MORC4: variants seen among roughly 807,000 people sequenced by gnomAD.
MORC4 encodes the protein MORC family CW-type zinc finger 4, also known as MORC family CW-type zinc finger protein 4.
MORC4 carries 22 observed loss-of-function variants against 65.5 expected under a neutral mutation model. That is an observed-to-expected ratio of 0.34 (90% CI 0.24 to 0.48). The LOEUF is 0.48. Among genes scored for constraint, MORC4 ranks in the 20% least tolerant of loss-of-function variants. The pLI is 0.99. For synonymous variants in MORC4, 267 were observed against 255.8 expected, an observed-to-expected ratio of 1.04 and a Z score of -0.42; for missense variants, 624 against 703.0, an observed-to-expected ratio of 0.89 and a Z score of 1.27.
At chrX:106,967,226 G>A (rs1276676264) in intron 9 of MORC4, among the ~76,000 whole-genome samples, 1 of 111,723 alleles carries the variant, frequency 9.0e-6, no homozygotes, top group African/African-American at 3.3e-5. Context: ...GGGCCTGTCT[G>A]TTAGAAGGAA....
Position 106,958,464 on chromosome X carries a change from C to T in MORC4, c.1257G>A (p.Pro419=), listed in dbSNP as rs1255377920. The change falls in exon 11 of 17, where the codon CCG becomes CCA. Residue 419 remains proline (P), a splice_region_variant and synonymous_variant. Transcript: ENST00000355610. ...FETSTVARPI[P]KVPDQTWVQC... ...GAACCCATGTCTGGTCAGGAACCTTCCTGAATGAAGGAAAATGGAAGTGTG... is the reference window on the plus strand; with the variant it reads ...GAACCCATGTCTGGTCAGGAACCTTTCTGAATGAAGGAAAATGGAAGTGTG... 6 of 1,198,883 alleles carry T rather than the reference C, an allele frequency of 5.0e-6. No individual in the cohort carries two copies. In the South Asian group the frequency reaches 1.1e-4, roughly 22 times the overall value.
chrX:106,943,235 T>C (rs1276706355), intron 14 of MORC4, 30 bp from the exon 15 acceptor site: 1 of 1,095,936 alleles, frequency 9.1e-7, no homozygotes, highest in Non-Finnish European at 1.2e-6. Context: ...AATTGTAAGC[T>C]GTCAGAGTAC....
In MORC4 at chrX:106,962,998, C is replaced by T. The variant is rs1934286059; in HGVS notation, c.1158-888G>A. ...CTTGTTAAGAGAAACTCTTCCTTAT[C>T]TCTACCTTATTCATATTAAATTAGA... On this transcript the variant is annotated intron_variant, in intron 9 of 16. Transcript: ENST00000355610. Among the ~76,000 whole-genome samples the T allele has an allele frequency of 2.7e-5, 3 of 111,191 alleles. No individual in the cohort carries two copies. In the South Asian group the frequency reaches 1.1e-3, roughly 42 times the overall value.
intron 3 of MORC4, among the ~76,000 whole-genome samples, chrX:106,990,381 C>T (rs1033524611): frequency 2.7e-5 from 3 of 109,480 alleles, no homozygotes; most frequent in Non-Finnish European, 5.7e-5. Context: ...TTCAGCCTCC[C>T]GAGTAGCAGG....
rs1457456584 is a variant in MORC4 at position 106,984,017 on chromosome X, C to G, written c.674+1079G>C. On this transcript the variant is annotated intron_variant, in intron 5 of 16. Transcript: ENST00000355610. ...CCAAACTTAAAAAAATGCCTATTGG[C>G]CAGGCACGGTGGCTCATGCCAGTAA... Among the ~76,000 whole-genome samples the G allele has an allele frequency of 2.7e-5, 3 of 111,716 alleles. No individual in the cohort carries two copies. The Admixed American group carries it at 2.8e-4, about 11-fold the overall frequency.
intron 11 of MORC4, among the ~76,000 whole-genome samples, chrX:106,957,229 T>C (rs986939176): frequency 8.9e-6 from 1 of 111,846 alleles, no homozygotes; most frequent in Non-Finnish European, 1.9e-5. Context: ...AAAGTAATCC[T>C]AGAAACAAAC....
intron 14 of MORC4, among the ~76,000 whole-genome samples, chrX:106,943,578 T>C (rs1348786961): frequency 8.9e-6 from 1 of 111,867 alleles, no homozygotes; most frequent in African/African-American, 3.2e-5. Context: ...AAGAATGGAA[T>C]AAAAAGGCCA....
chrX:106,995,711 G>A (rs1935066255), intron 2 of MORC4, among the ~76,000 whole-genome samples: 1 of 112,423 alleles, frequency 8.9e-6, no homozygotes, highest in African/African-American at 3.2e-5. Flanking sequence ...AATGTGGCAA[G>A]ACAAGTGGGC....
At chrX:106,954,317 T>G (rs1011515508) in intron 14 of MORC4, among the ~76,000 whole-genome samples, 2 of 112,269 alleles carry the variant, frequency 1.8e-5, no homozygotes, top group African/African-American at 6.5e-5. Context: ...ACTCCTGATA[T>G]CTAAGAAAAA....
chrX:106,962,763 C>A (rs938331581), intron 9 of MORC4, among the ~76,000 whole-genome samples: 1 of 111,738 alleles, frequency 8.9e-6, no homozygotes, highest in African/African-American at 3.3e-5. Flanking sequence ...TCAGGGTCAA[C>A]AAAAATGTAA....
intron 7 of MORC4, among the ~76,000 whole-genome samples, chrX:106,978,774 A>G (rs1055537756): frequency 9.0e-6 from 1 of 111,649 alleles, no homozygotes; most frequent in Non-Finnish European, 1.9e-5. Flanking sequence ...TTCTGATAAG[A>G]GCTGTAAATG....
At position 106,978,291 on chromosome X, in the gene MORC4, G is replaced by A. The variant is rs1934667625; in HGVS notation, c.937-92C>T. 17 of 928,251 alleles carry A rather than the reference G, an allele frequency of 1.8e-5. No individual in the cohort carries two copies. In the South Asian group the frequency reaches 4.2e-4, roughly 23 times the overall value. The allele number at this position is 928,251 out of a possible 1,213,427, so 76.5% of individuals were successfully genotyped here. A position where few individuals can be genotyped will look rare whatever the true frequency, so the allele number is the denominator to read the frequency against. ...TATAGCAAAAACCATCAAATACCAA[G>A]GGACATAAATTGGTACAACCTTTTT... On this transcript the variant is annotated intron_variant, in intron 7 of 16. Coordinates refer to ENST00000355610, the MANE Select transcript of MORC4 (RefSeq NM_024657.5).
chrX:106,947,191 G>A (rs1239971625), intron 14 of MORC4, among the ~76,000 whole-genome samples: 2 of 109,661 alleles, frequency 1.8e-5, no homozygotes, highest in Non-Finnish European at 3.8e-5. Flanking sequence ...ATTATATTGC[G>A]ATTGGAGAAC....
At chrX:106,972,404 G>A (rs933779796) in intron 9 of MORC4, among the ~76,000 whole-genome samples, 1 of 110,666 alleles carries the variant, frequency 9.0e-6, no homozygotes, top group Non-Finnish European at 1.9e-5. Flanking sequence ...ACCATGGCAC[G>A]TGTATACCTA....
intron 5 of MORC4, among the ~76,000 whole-genome samples, chrX:106,984,465 C>CTTTTTTTTTTTTTTTTTT (rs762110163): frequency 2.8e-5 from 2 of 71,388 alleles, no homozygotes; most frequent in African/African-American, 6.3e-5. Flanking sequence ...TTTCTTTTTT[C>CTTTTTTTTTTTTTTTTTT]TTTTTTTTTT....
intron 2 of MORC4, among the ~76,000 whole-genome samples, chrX:106,998,038 T>C (rs1391319353): frequency 8.9e-6 from 1 of 112,596 alleles, no homozygotes; most frequent in Non-Finnish European, 1.9e-5. Context: ...CTGTGTTGTA[T>C]TCATTTTTGT....
chrX:106,942,478 T>G (rs1280067235), intron 15 of MORC4, 37 bp downstream of exon 15: 8 of 1,129,117 alleles, frequency 7.1e-6, no homozygotes, highest in Non-Finnish European at 8.4e-6. Flanking sequence ...TTGGTTACTA[T>G]GGTCTCTTAT....
At chrX:106,984,274 T>G (rs1934812906) in intron 5 of MORC4, among the ~76,000 whole-genome samples, 1 of 106,623 alleles carries the variant, frequency 9.4e-6, no homozygotes, top group African/African-American at 3.4e-5. Context: ...CAAGAGAGAC[T>G]CTGTCTCAAA....
In MORC4 at chrX:106,941,403, A is replaced by ACGG; in HGVS notation, c.*75_*76insCCG. On this transcript the variant is annotated 3_prime_UTR_variant, in exon 17 of 17. Coordinates refer to ENST00000355610, the MANE Select transcript of MORC4 (RefSeq NM_024657.5). ...GAGAGAGAGAGAGAGAGAGAGAGAG[A>ACGG]GAGAGAGACGTGAGGGAGGGAGAGA... 1 of 792,163 alleles carries ACGG rather than the reference A, an allele frequency of 1.3e-6. No individual in the cohort carries two copies. Among genetic ancestry groups the ACGG allele is most frequent in the Non-Finnish European group, 1.8e-6 (1 of 559,829 alleles). 65.3% of individuals were successfully genotyped at this position (792,163 alleles called of 1,213,427 possible). A position where few individuals can be genotyped will look rare whatever the true frequency, so the allele number is the denominator to read the frequency against.
Sources: gnomAD v4.1 joint callset for allele counts (sites outside exome capture counted in the v4.1 genomes callset) on GRCh38, gnomAD v4.1.1 for gene constraint, MANE v1.5 for transcripts, NCBI Gene and HGNC (gene_info 2026-07-23, HGNC 2026-07-21) for gene names.